LINGO3: variants seen among roughly 807,000 people sequenced by gnomAD.
The protein encoded by LINGO3 is leucine rich repeat and Ig domain containing 3.
For synonymous variants in LINGO3, 427 were observed against 444.2 expected (o/e 0.96, Z 0.49); for missense variants, 750 against 867.7 (o/e 0.86, Z 1.70).
chr19:2,305,268 G>A, the LINGO3 span, among the ~76,000 whole-genome samples: 2 of 152,082 alleles, frequency 1.3e-5, no homozygotes, highest in Non-Finnish European at 2.9e-5. Context: ...CCGGCCTTGA[G>A]GACCCCCTCC....
the LINGO3 span, among the ~76,000 whole-genome samples, chr19:2,306,756 C>G: frequency 6.6e-6 from 1 of 152,148 alleles, no homozygotes; most frequent in African/African-American, 2.4e-5. Context: ...CCTAAGCCCC[C>G]ATCCCACCGC....
At chr19:2,288,470 A>G (rs1163884630), downstream of LINGO3, among the ~76,000 whole-genome samples, 2 of 152,098 alleles carry the variant, frequency 1.3e-5, no homozygotes, top group Admixed American at 6.5e-5. The surrounding 1 kb of genome is among the most constrained non-coding windows in gnomAD (Gnocchi z 6.5). Context: ...ATGTGTACCT[A>G]GGGGCAAAAG....
At position 2,290,007 on chromosome 19, in the gene LINGO3, C is replaced by T. The variant is rs2025502217; in HGVS notation, c.1770G>A (p.Lys590=). The change falls in exon 1 of 1, where the codon AAG becomes AAA. Residue 590 remains lysine, a synonymous_variant. Coordinates refer to ENST00000585527, the Ensembl canonical transcript of LINGO3. This position sits in a 1 kb window ranked among gnomAD's most constrained non-coding sequence, Gnocchi z 6.0. ...CCGCCCTGGGGACCCCTCAGATCAT[C>T]TTCATGTTGAACTTGCGCGCGCCTC... 10 of 1,541,942 alleles carry T rather than the reference C, an allele frequency of 6.5e-6. No individual in the cohort carries two copies. The highest frequency in any genetic ancestry group is 7.9e-6 in the Non-Finnish European group (9 of 1,142,644).
chr19:2,303,148 C>T, the LINGO3 span, among the ~76,000 whole-genome samples: 1 of 152,218 alleles, frequency 6.6e-6, no homozygotes, highest in Non-Finnish European at 1.5e-5. Flanking sequence ...CTCCCCAGCC[C>T]GGACCCCCAC....
chr19:2,302,174 G>A, the LINGO3 span, among the ~76,000 whole-genome samples: 4 of 145,316 alleles, frequency 2.8e-5, no homozygotes, highest in Non-Finnish European at 6.0e-5. Context: ...CGATTCTCCT[G>A]CCTCAGTCTC....
chr19:2,293,515 A>G (rs1476161444), upstream of LINGO3, among the ~76,000 whole-genome samples: 1 of 150,622 alleles, frequency 6.6e-6, no homozygotes, highest in African/African-American at 2.4e-5. Flanking sequence ...ACCCGCCACC[A>G]TGCCCAGCTA....
At chr19:2,300,318 C>A in the LINGO3 span, among the ~76,000 whole-genome samples, 2 of 152,070 alleles carry the variant, frequency 1.3e-5, no homozygotes, top group Admixed American at 1.3e-4. Flanking sequence ...AGGTATGAGC[C>A]ACTGCGCCCG....
At chr19:2,289,746 C>T (rs1217946878), downstream of LINGO3, 5 of 354,046 alleles carry the variant, frequency 1.4e-5, no homozygotes, top group East Asian at 5.1e-5. Context: ...GCCCGCACCC[C>T]CACCCCCCAG....
At chr19:2,289,350 A>G (rs971331817), downstream of LINGO3, among the ~76,000 whole-genome samples, 3 of 135,330 alleles carry the variant, frequency 2.2e-5, no homozygotes, top group African/African-American at 8.7e-5. Context: ...CTCTCACGAG[A>G]GCCCTGCCTG....
At chr19:2,302,512 C>T in the LINGO3 span, among the ~76,000 whole-genome samples, 1 of 152,252 alleles carries the variant, frequency 6.6e-6, no homozygotes, top group Non-Finnish European at 1.5e-5. Flanking sequence ...CGTCCACAGG[C>T]GCGAAGCCGG....
At chr19:2,287,211 G>T (rs1228585527), downstream of LINGO3, among the ~76,000 whole-genome samples, 1 of 152,080 alleles carries the variant, frequency 6.6e-6, no homozygotes, top group African/African-American at 2.4e-5. This position sits in a 1 kb window ranked among gnomAD's most constrained non-coding sequence, Gnocchi z 4.5. Context: ...ACCAAATACA[G>T]CAGGATGAGG....
At chr19:2,304,515 A>G in the LINGO3 span, among the ~76,000 whole-genome samples, 4 of 152,114 alleles carry the variant, frequency 2.6e-5, no homozygotes, top group Non-Finnish European at 5.9e-5. Flanking sequence ...CAGAGGCCCA[A>G]CATCTCACAG....
chr19:2,288,693 G>A (rs936992193), downstream of LINGO3, among the ~76,000 whole-genome samples: 4 of 152,182 alleles, frequency 2.6e-5, no homozygotes, highest in South Asian at 2.1e-4. The surrounding 1 kb of genome is among the most constrained non-coding windows in gnomAD (Gnocchi z 6.5). Context: ...AGGACAGGGC[G>A]TGTGGACCCC....
chr19:2,291,814 C>T (rs1162294565), exon 1 of LINGO3: 1 of 1,452,760 alleles, frequency 6.9e-7, no homozygotes, highest in Non-Finnish European at 9.1e-7. Context: ...CCACCATCCT[C>T]CTGCGCACCT....
rs2025513553 is a variant in LINGO3, at chr19:2,290,960, TG to T, written c.816del (p.Thr273ProfsTer69). The T allele has an allele frequency of 6.2e-7, 1 of 1,611,152 alleles. No homozygotes were observed. The highest frequency in any genetic ancestry group is 1.3e-5 in the African/African-American group (1 of 74,750). On this transcript the variant is annotated frameshift_variant, in exon 1 of 1. Transcript: ENST00000585527. LOFTEE classifies it low-confidence loss of function (END_TRUNC). The surrounding 1 kb of genome is among the most constrained non-coding windows in gnomAD (Gnocchi z 6.0). ...GGGTTGTGCGACAGATTGAGGCAGG[TG>T]AGGTGCGCCTGGTGCCGCAGCGCGG...
At chr19:2,305,402 G>A in the LINGO3 span, among the ~76,000 whole-genome samples, 1 of 152,276 alleles carries the variant, frequency 6.6e-6, no homozygotes, top group South Asian at 2.1e-4. Flanking sequence ...GGAGAAGGCA[G>A]AGTGTGGCTG....
upstream of LINGO3, among the ~76,000 whole-genome samples, chr19:2,295,650 C>T (rs1018243047): frequency 2.6e-5 from 4 of 152,130 alleles, no homozygotes; most frequent in South Asian, 2.1e-4. Flanking sequence ...GGAGGAGAAT[C>T]GCTTGAACCT....
chr19:2,299,685 A>G, the LINGO3 span, among the ~76,000 whole-genome samples: 1 of 146,784 alleles, frequency 6.8e-6, no homozygotes, highest in Non-Finnish European at 1.5e-5. Flanking sequence ...CTGCCTCCCA[A>G]AGTGCTGGGA....
At chr19:2,303,582 C>T in the LINGO3 span, among the ~76,000 whole-genome samples, 1 of 152,192 alleles carries the variant, frequency 6.6e-6, no homozygotes, top group Admixed American at 6.5e-5. Flanking sequence ...CTTGCATCCA[C>T]AGGCAATGGG....
Sources: gnomAD v4.1 joint callset for allele counts (sites outside exome capture counted in the v4.1 genomes callset) on GRCh38, gnomAD v4.1.1 for gene constraint, Gnocchi (gnomAD v3.1) non-coding constraint, MANE v1.5 for transcripts, NCBI Gene and HGNC (gene_info 2026-07-23, HGNC 2026-07-21) for gene names.